The following WDR41 variants were observed in gnomAD, a reference collection of about 807,000 sequenced individuals.
The protein encoded by WDR41 is WD repeat domain 41.
In WDR41, 63 loss-of-function variants were observed where a neutral mutation model predicts 69.3. The ratio of observed to expected loss-of-function variants is 0.91; its 90% confidence interval spans 0.74 to 1.12. The LOEUF is 1.12. WDR41 is among the 50% of genes most tolerant of loss of function. The pLI, the probability that WDR41 is intolerant of heterozygous loss-of-function variation, is 0.00. For missense variants in WDR41, 543 were observed against 534.5 expected (o/e 1.02, Z -0.16); for synonymous variants, 185 against 192.1 (o/e 0.96, Z 0.31).
chr5:77,475,058 C>T (rs1482107390), intron 2 of WDR41, among the ~76,000 whole-genome samples: 3 of 152,182 alleles, frequency 2.0e-5, no homozygotes, highest in South Asian at 2.1e-4. Context: ...GGGTGACAGA[C>T]GGCACCTGGA....
chr5:77,557,017 A>G (rs1027949166), intron 1 of WDR41, among the ~76,000 whole-genome samples: 2 of 152,192 alleles, frequency 1.3e-5, no homozygotes, highest in Admixed American at 6.5e-5. Context: ...TTGGTAGTCA[A>G]ACATCAAAAA....
At chr5:77,528,213 T>C (rs202242556) in intron 1 of WDR41, among the ~76,000 whole-genome samples, 1 of 151,572 alleles carries the variant, frequency 6.6e-6, no homozygotes, top group Admixed American at 6.6e-5. Flanking sequence ...ACAACACATA[T>C]ATAGAAAAGA....
chr5:77,455,400 A>G (rs888400365), intron 5 of WDR41, among the ~76,000 whole-genome samples: 3 of 152,130 alleles, frequency 2.0e-5, no homozygotes, highest in African/African-American at 7.2e-5. Context: ...ATTTGAAAAT[A>G]TTTTCTCCAA....
At chr5:77,508,160 C>T (rs1368898999) in intron 1 of WDR41, among the ~76,000 whole-genome samples, 2 of 151,944 alleles carry the variant, frequency 1.3e-5, no homozygotes, top group African/African-American at 2.4e-5. Flanking sequence ...TACTCTCTAA[C>T]CCAGACTGGA....
chr5:77,513,169 C>T (rs1802235413), intron 1 of WDR41, among the ~76,000 whole-genome samples: 1 of 152,088 alleles, frequency 6.6e-6, no homozygotes, highest in Admixed American at 6.6e-5. Context: ...AATTCTTGTA[C>T]TTCTGTACAT....
At chr5:77,437,209 A>T in intron 11 of WDR41, 127 bp downstream of exon 11, 1 of 774,396 alleles carries the variant, frequency 1.3e-6, no homozygotes, top group South Asian at 1.6e-5. Flanking sequence ...TGCTTTCTAT[A>T]AACATCTGAT....
intron 1 of WDR41, among the ~76,000 whole-genome samples, chr5:77,533,717 A>G (rs575039957): frequency 6.6e-6 from 1 of 152,330 alleles, no homozygotes; most frequent in East Asian, 1.9e-4. Flanking sequence ...AAGGAGAAAC[A>G]AAAGAGTAAA....
At chr5:77,460,374 T>A (rs561779981) in intron 4 of WDR41, among the ~76,000 whole-genome samples, 1 of 152,344 alleles carries the variant, frequency 6.6e-6, no homozygotes, top group South Asian at 2.1e-4. Context: ...ATGCTCCCAG[T>A]AATTAGGAAA....
In WDR41 at chr5:77,547,858, C is replaced by T. The variant is rs540177450; in HGVS notation, c.43-58286G>A. Reference sequence around the variant, plus strand: ...TAAGCAAAAAGAACAAATCTGGAGACATCACATTACCTGATTTCAAACTAT... The same window carrying T: ...TAAGCAAAAAGAACAAATCTGGAGATATCACATTACCTGATTTCAAACTAT... On this transcript the variant is annotated intron_variant, in intron 1 of 5. Coordinates refer to the WDR41 transcript ENST00000509971. 1.0e-3 allele frequency among the ~76,000 whole-genome samples: 154 copies of T among 152,222 alleles called. 3 individuals carry two copies. Among genetic ancestry groups the T allele is most frequent in the African/African-American group, 3.6e-3 (149 of 41,496 alleles).
At chr5:77,544,408 G>C (rs1173910038) in intron 1 of WDR41, among the ~76,000 whole-genome samples, 1 of 152,040 alleles carries the variant, frequency 6.6e-6, no homozygotes, top group African/African-American at 2.4e-5. Flanking sequence ...CCAACCATCT[G>C]CTGGCTTCAA....
At chr5:77,492,004 G>C in intron 1 of WDR41, 166 bp downstream of exon 1, 2 of 864,332 alleles carry the variant, frequency 2.3e-6, no homozygotes, top group East Asian at 3.0e-5. Flanking sequence ...TCCGGCTCCC[G>C]CGCCCTCCGC....
At chr5:77,582,908 C>G in intron 1 of WDR41, 1 of 1,609,050 alleles carries the variant, frequency 6.2e-7, no homozygotes, top group Non-Finnish European at 8.5e-7. Flanking sequence ...ATTGCTCGAT[C>G]TCTTGGTAAA....
intron 5 of WDR41, among the ~76,000 whole-genome samples, chr5:77,457,685 TA>T (rs1799887398): frequency 1.4e-5 from 2 of 146,536 alleles, no homozygotes; most frequent in South Asian, 4.5e-4. Context: ...CATCAACCCT[TA>T]TAAAAAATTT....
chr5:77,485,702 G>A (rs556149752), intron 2 of WDR41, among the ~76,000 whole-genome samples: 7 of 152,074 alleles, frequency 4.6e-5, no homozygotes, highest in Non-Finnish European at 7.4e-5. Context: ...ACCTTCTTTA[G>A]TGATCTCTCA....
upstream of WDR41, among the ~76,000 whole-genome samples, chr5:77,496,544 A>G (rs1182283825): frequency 6.6e-6 from 1 of 152,098 alleles, no homozygotes; most frequent in Non-Finnish European, 1.5e-5. Flanking sequence ...ATACATAGGA[A>G]TAAATCTAAC....
chr5:77,532,057 C>T (rs184600759), intron 1 of WDR41, among the ~76,000 whole-genome samples: 7 of 151,940 alleles, frequency 4.6e-5, no homozygotes, highest in African/African-American at 1.7e-4. Flanking sequence ...TTGTGAATGA[C>T]TACTTGTGAA....
chr5:77,464,390 C>A (rs898258745), intron 3 of WDR41, among the ~76,000 whole-genome samples: 3 of 145,796 alleles, frequency 2.1e-5, no homozygotes, highest in Non-Finnish European at 4.5e-5. Flanking sequence ...GGATTACAGG[C>A]ATGTGCCACT....
intron 1 of WDR41, among the ~76,000 whole-genome samples, chr5:77,603,876 T>A (rs575606308): frequency 6.6e-6 from 1 of 152,324 alleles, no homozygotes; most frequent in African/African-American, 2.4e-5. Flanking sequence ...CAAAAATTAG[T>A]TGGTTATAAA....
intron 1 of WDR41, among the ~76,000 whole-genome samples, chr5:77,619,468 C>T (rs1233753569): frequency 6.6e-6 from 1 of 152,052 alleles, no homozygotes; most frequent in Non-Finnish European, 1.5e-5. Context: ...CCTAGAGACC[C>T]CCCAATTTTC....
Sources: gnomAD v4.1 joint callset for allele counts (sites outside exome capture counted in the v4.1 genomes callset) on GRCh38, gnomAD v4.1.1 for gene constraint, MANE v1.5 for transcripts, NCBI Gene and HGNC (gene_info 2026-07-23, HGNC 2026-07-21) for gene names.